EPHX4: variants seen among roughly 807,000 people sequenced by gnomAD.
The protein encoded by EPHX4 is epoxide hydrolase 4.
EPHX4 carries 31 observed loss-of-function variants against 44.9 expected under a neutral mutation model. The ratio of observed to expected loss-of-function variants is 0.69; its 90% CI spans 0.52 to 0.93. EPHX4 has a LOEUF of 0.93. EPHX4 is among the 40% of genes least tolerant of loss of function. The probability of loss-of-function intolerance (pLI) is 0.00; values close to 1 mark genes in which losing one functional copy is unlikely to be tolerated. For missense variants in EPHX4, 373 were observed against 438.1 expected (o/e 0.85, Z 1.33); for synonymous variants, 151 against 159.7 (o/e 0.95, Z 0.41).
At chr1:92,036,918 A>T (rs1240995813) in intron 2 of EPHX4, among the ~76,000 whole-genome samples, 1 of 152,086 alleles carries the variant, frequency 6.6e-6, no homozygotes, top group East Asian at 1.9e-4. Context: ...GTTACCCATT[A>T]TGAGGTCTAG....
Position 92,052,598 on chromosome 1 carries a change from A to G in EPHX4, c.797A>G (p.Tyr266Cys). ...LTTEDLEAYI[Y>C]VFSQPGALSG... ...ACAGAGGATCTTGAAGCTTATATTT[A>G]TGTCTTTTCTCAGCCTGGAGCATTA... Residue 266 changes from tyrosine (Y) to cysteine (C), a missense_variant, in exon 6 of 7, where the codon TAT becomes TGT. Tyr to Cys is a radical substitution (Grantham distance 194). Transcript: ENST00000370383. 3 of 1,613,302 alleles carry G rather than the reference A, an allele frequency of 1.9e-6. No individual in the cohort carries two copies. The highest frequency in any genetic ancestry group is 2.5e-6 in the Non-Finnish European group (3 of 1,179,672).
intron 2 of EPHX4, among the ~76,000 whole-genome samples, chr1:92,036,442 G>A (rs543462170): frequency 2.0e-5 from 3 of 152,300 alleles, no homozygotes; most frequent in South Asian, 2.1e-4. Flanking sequence ...CTAGGAGGGG[G>A]TCCAGCACTG....
intron 2 of EPHX4, among the ~76,000 whole-genome samples, chr1:92,041,201 G>A (rs1688503523): frequency 6.6e-6 from 1 of 151,984 alleles, no homozygotes; most frequent in Admixed American, 6.6e-5. Context: ...GCAGCACTGT[G>A]GCCCTTCTAA....
In EPHX4 at chr1:92,045,535, A is replaced by G. The variant is rs778256782; in HGVS notation, c.479A>G (p.Tyr160Cys). The G allele has an allele frequency of 9.9e-6, 16 of 1,613,830 alleles. No individual in the cohort carries two copies. In the Admixed American group the frequency reaches 2.3e-4, roughly 24 times the overall value. ...AACATTTATTTCTTGTTTACAGGGT[A>G]TAGCAAATGTGTTCTTATTGGCCAT... ...DIKDILDSLGYSKCVLIGHDW... is the reference protein window; with the variant it reads ...DIKDILDSLGCSKCVLIGHDW... The change falls in exon 4 of 7, where the codon TAT becomes TGT. Residue 160 changes from tyrosine to cysteine, a missense_variant. Physicochemically the swap from Tyr to Cys is radical, Grantham distance 194 (BLOSUM62 -2). Transcript: ENST00000370383.
chr1:92,036,918 A>G (rs1240995813), intron 2 of EPHX4, among the ~76,000 whole-genome samples: 6 of 152,086 alleles, frequency 3.9e-5, no homozygotes, highest in Admixed American at 3.9e-4. Flanking sequence ...GTTACCCATT[A>G]TGAGGTCTAG....
intron 6 of EPHX4, among the ~76,000 whole-genome samples, chr1:92,060,375 G>A (rs1426281739): frequency 6.6e-6 from 1 of 151,634 alleles, no homozygotes; most frequent in East Asian, 1.9e-4. Context: ...GTTGCTCACT[G>A]CATCATGATG....
intron 6 of EPHX4, among the ~76,000 whole-genome samples, chr1:92,058,888 G>A (rs1647430723): frequency 6.6e-6 from 1 of 152,116 alleles, no homozygotes; most frequent in Non-Finnish European, 1.5e-5. Context: ...AAACTTTGGA[G>A]GGCCTGGAAA....
chr1:92,030,853 T>C (rs919150176), intron 1 of EPHX4, among the ~76,000 whole-genome samples: 3 of 152,126 alleles, frequency 2.0e-5, no homozygotes, highest in Non-Finnish European at 2.9e-5. Context: ...GTAAATTGTG[T>C]GTGTTGTGGG....
chr1:92,053,291 GA>G (rs1284984035), intron 6 of EPHX4, among the ~76,000 whole-genome samples: 2 of 152,148 alleles, frequency 1.3e-5, no homozygotes, highest in Admixed American at 1.3e-4. Flanking sequence ...TGGGAAGATG[GA>G]GGAGGGTTGT....
At chr1:92,061,482 G>A (rs1340016923) in intron 6 of EPHX4, among the ~76,000 whole-genome samples, 1 of 152,162 alleles carries the variant, frequency 6.6e-6, no homozygotes, top group Non-Finnish European at 1.5e-5. Flanking sequence ...AACAGTAACA[G>A]AAGATGTCAA....
Position 92,050,335 on chromosome 1 carries a change from C to T in EPHX4, c.623C>T (p.Pro208Leu), listed in dbSNP as rs1363438688. 3 of 1,603,732 alleles carry T rather than the reference C, an allele frequency of 1.9e-6. No individual in the cohort carries two copies. The highest frequency in any genetic ancestry group is 3.4e-5 in the Admixed American group (2 of 58,636). Reference sequence around the variant, plus strand: ...ATTTCAGAATATATTTTACGACACCCTGCTCAGCTGTTGAAATCCAGTTAT... The same window carrying T: ...ATTTCAGAATATATTTTACGACACCTTGCTCAGCTGTTGAAATCCAGTTAT... ...NVFTEYILRH[P>L]AQLLKSSYYY... is the part of the protein sequence containing the mutation. The change falls in exon 5 of 7, where the codon CCT becomes CTT. Residue 208 changes from proline (P) to leucine (L), a missense_variant. Pro to Leu is a moderately conservative substitution (Grantham distance 98). Transcript: ENST00000370383.
intron 2 of EPHX4, among the ~76,000 whole-genome samples, chr1:92,035,491 A>G (rs1688424544): frequency 6.6e-6 from 1 of 152,104 alleles, no homozygotes; most frequent in Non-Finnish European, 1.5e-5. Context: ...GTAAATACTC[A>G]TTTTCTTCCT....
In EPHX4 at chr1:92,042,954, A is replaced by T. The variant is rs752725426; in HGVS notation, c.449A>T (p.Asp150Val). ...QNYKLDCLIT[D>V]IKDILDSLGY... ...TATAAATTGGATTGTCTAATTACAG[A>T]TATAAAGGATATTTTAGATTCTTTA... Residue 150 changes from aspartate (D) to valine (V), a missense_variant, in exon 3 of 7, where the codon GAT becomes GTT. Physicochemically the swap from Asp to Val is radical, Grantham distance 152. Transcript: ENST00000370383. The T allele has an allele frequency of 1.2e-6, 2 of 1,609,262 alleles. No individual in the cohort carries two copies. The highest frequency in any genetic ancestry group is 1.7e-6 in the Non-Finnish European group (2 of 1,177,596).
At chr1:92,032,164 A>G (rs886254565) in intron 1 of EPHX4, among the ~76,000 whole-genome samples, 11 of 152,206 alleles carry the variant, frequency 7.2e-5, no homozygotes, top group African/African-American at 2.7e-4. Context: ...GGTAAGATGA[A>G]AGTTACAAAT....
chr1:92,033,997 C>CTTTTTTTTTTTTTTTT (rs36075635), intron 2 of EPHX4, among the ~76,000 whole-genome samples: 4 of 109,154 alleles, frequency 3.7e-5, no homozygotes, highest in South Asian at 3.3e-4. Flanking sequence ...CATGTTTAAA[C>CTTTTTTTTTTTTTTTT]TTTTTTTTTT....
chr1:92,040,203 T>G (rs935061494), intron 2 of EPHX4, among the ~76,000 whole-genome samples: 27 of 137,734 alleles, frequency 2.0e-4, no homozygotes, highest in Non-Finnish European at 4.0e-4. Context: ...TTTGGCAGGT[T>G]CTGGCTCTGT....
chr1:92,045,748 G>T, intron 4 of EPHX4, 88 bp downstream of exon 4: 1 of 1,470,698 alleles, frequency 6.8e-7, no homozygotes, highest in Non-Finnish European at 9.4e-7. Context: ...AGCAAAATTT[G>T]GTTACTATCA....
At chr1:92,050,139 T>C (rs564390918) in intron 4 of EPHX4, among the ~76,000 whole-genome samples, 178 bp from the exon 5 acceptor site, 1 of 152,016 alleles carries the variant, frequency 6.6e-6, no homozygotes, top group Non-Finnish European at 1.5e-5. Flanking sequence ...GTGGTATAAA[T>C]TTTGGAAATA....
At chr1:92,034,205 C>CA (rs1688403499) in intron 2 of EPHX4, among the ~76,000 whole-genome samples, 1 of 142,790 alleles carries the variant, frequency 7.0e-6, no homozygotes, top group East Asian at 2.1e-4. Context: ...GAGGCTGAGG[C>CA]AGGAGAATGG....
Sources: allele counts gnomAD v4.1 joint callset (sites outside exome capture counted in the v4.1 genomes callset), GRCh38; gene constraint gnomAD v4.1.1; transcripts MANE v1.5; gene names NCBI Gene and HGNC (gene_info 2026-07-23, HGNC 2026-07-21).